The following LAMB4 variants were observed in gnomAD, a reference collection of about 807,000 sequenced individuals.
LAMB4 encodes laminin subunit beta-4.
In LAMB4, 196 loss-of-function variants were observed where a neutral mutation model predicts 199.2. The observed-to-expected ratio is 0.98, with a 90% CI of 0.88 to 1.11. LAMB4 has a LOEUF of 1.11. Among genes scored for constraint, LAMB4 ranks in the 50% least tolerant of loss-of-function variants. The pLI, the probability that LAMB4 is intolerant of heterozygous loss-of-function variation, is 0.00. For synonymous variants in LAMB4, 744 were observed against 770.6 expected (o/e 0.97, Z 0.57); for missense variants, 2,080 against 2,171.2 (o/e 0.96, Z 0.83).
At chr7:108,078,744 AG>A (rs558010213) in intron 15 of LAMB4, among the ~76,000 whole-genome samples, 287 of 152,338 alleles carry the variant, frequency 1.9e-3, no homozygotes, top group Admixed American at 3.3e-3. Flanking sequence ...AGCTTTTTAA[AG>A]GTGTCAGGGC....
At chr7:108,036,885 A>C (rs941951381) in intron 30 of LAMB4, among the ~76,000 whole-genome samples, 1 of 144,700 alleles carries the variant, frequency 6.9e-6, no homozygotes, top group African/African-American at 2.5e-5. Flanking sequence ...GGTTTTTGCC[A>C]TTATTTTCAA....
At chr7:108,015,043 G>A in the LAMB4 span, among the ~76,000 whole-genome samples, 11 of 151,926 alleles carry the variant, frequency 7.2e-5, no homozygotes, top group Non-Finnish European at 1.3e-4. Flanking sequence ...TTTTAAAAAG[G>A]AAAAATTCTC....
chr7:108,040,524 A>G (rs1368141337), intron 29 of LAMB4, among the ~76,000 whole-genome samples: 2 of 152,236 alleles, frequency 1.3e-5, no homozygotes, highest in African/African-American at 4.8e-5. Context: ...ACAGGGCTAC[A>G]GTAACCAAAA....
At chr7:108,117,576 C>A (rs1023763296) in intron 2 of LAMB4, among the ~76,000 whole-genome samples, 19 of 152,102 alleles carry the variant, frequency 1.2e-4, no homozygotes, top group Non-Finnish European at 1.6e-4. Context: ...GGGGTCCCGA[C>A]CCAGACCCCA....
chr7:108,105,816 C>G lies in LAMB4; in HGVS notation c.870+1G>C, dbSNP rs750591014. 4 of 1,613,816 alleles carry G rather than the reference C, an allele frequency of 2.5e-6. No homozygotes were observed. The highest frequency in any genetic ancestry group is 3.4e-6 in the Non-Finnish European group (4 of 1,179,668). ...ACTGTTCTTTTGGATTAATAACTCA[C>G]CATTCCAGGAGGGCTGAAAACATCT... On this transcript the variant is annotated splice_donor_variant, in intron 8 of 33. Transcript: ENST00000388781. LOFTEE classifies it high-confidence loss of function.
chr7:108,049,553 T>G (rs772001851), intron 26 of LAMB4, 22 bp from the exon 27 acceptor site: 9 of 1,414,142 alleles, frequency 6.4e-6, no homozygotes, highest in Non-Finnish European at 7.8e-6. Context: ...CAAATTGAAG[T>G]AAGGTAAATT....
At chr7:108,076,298 A>G (rs1476398379) in intron 17 of LAMB4, among the ~76,000 whole-genome samples, 1 of 152,144 alleles carries the variant, frequency 6.6e-6, no homozygotes, top group African/African-American at 2.4e-5. Context: ...TGCACAGAGT[A>G]AGAAGTTTGG....
At chr7:108,072,064 C>T (rs994198403) in intron 17 of LAMB4, among the ~76,000 whole-genome samples, 2 of 152,024 alleles carry the variant, frequency 1.3e-5, no homozygotes, top group Non-Finnish European at 2.9e-5. Context: ...GTTGTCACAG[C>T]AATAGAGTGA....
intron 30 of LAMB4, among the ~76,000 whole-genome samples, chr7:108,035,127 A>G (rs1270004291): frequency 1.3e-5 from 2 of 152,124 alleles, no homozygotes; most frequent in African/African-American, 4.8e-5. Flanking sequence ...TTCCCTCCTC[A>G]TCATCCCACC....
At position 108,116,012 on chromosome 7, in the gene LAMB4, A is replaced by G; in HGVS notation, c.184T>C (p.Tyr62His). 1 of 1,611,774 alleles carries G rather than the reference A, an allele frequency of 6.2e-7. No individual in the cohort carries two copies. Among genetic ancestry groups the G allele is most frequent in the Non-Finnish European group, 8.5e-7 (1 of 1,178,564 alleles). Reference sequence around the variant, plus strand: ...ACAAAGAGCCAACCCACCTCCAGGTAACTGAGGATGCAGTATTTCTGGGCT... The same window carrying G: ...ACAAAGAGCCAACCCACCTCCAGGTGACTGAGGATGCAGTATTTCTGGGCT... ...SRAQKYCILS[Y>H]LEGEQKCFIC... Residue 62 changes from tyrosine to histidine, a missense_variant, in exon 3 of 34, where the codon TAC becomes CAC. By Grantham distance (83) the Tyr-to-His change is moderately conservative. Transcript: ENST00000388781.
intron 23 of LAMB4, chr7:108,062,432 C>A (rs2286251): frequency 0.22 from 36,488 of 164,662 alleles, 11,086 homozygotes; most frequent in African/African-American, 0.71. Context: ...CATTCTGATT[C>A]ATAATCTCTT....
chr7:108,123,057 T>C, intron 2 of LAMB4, 74 bp downstream of exon 2: 1 of 1,302,936 alleles, frequency 7.7e-7, no homozygotes, highest in Non-Finnish European at 1.1e-6. Flanking sequence ...GAAGTGAATA[T>C]GTTTAAAAAC....
intron 10 of LAMB4, 135 bp from the exon 11 acceptor site, chr7:108,098,717 T>G: frequency 1.5e-6 from 1 of 669,978 alleles, no homozygotes; most frequent in Non-Finnish European, 2.3e-6. Flanking sequence ...TTAGACCACC[T>G]GGCAAGAGCT....
intron 30 of LAMB4, 33 bp from the exon 31 acceptor site, chr7:108,034,379 A>G (rs1000833519): frequency 1.3e-6 from 2 of 1,511,080 alleles, no homozygotes; most frequent in Non-Finnish European, 1.8e-6. Flanking sequence ...CAGATTAGAT[A>G]AATACACAAT....
At chr7:108,127,174 GGTTTTTTTTTTTGT>G (rs767052685) in intron 1 of LAMB4, among the ~76,000 whole-genome samples, 316 of 119,040 alleles carry the variant, frequency 2.7e-3, no homozygotes, top group South Asian at 5.0e-3. Flanking sequence ...AAATCACCAG[GGTTTTTTTTTTTGT>G]GTTTTTTTTT....
chr7:108,107,907 AT>A (rs754475822), intron 5 of LAMB4, 88 bp from the exon 6 acceptor site: 25 of 958,802 alleles, frequency 2.6e-5, no homozygotes, highest in Non-Finnish European at 3.7e-5. Context: ...TTCTAATTCC[AT>A]TTTTAAAAAC....
At chr7:108,023,321 C>T (rs764990634), downstream of LAMB4, among the ~76,000 whole-genome samples, 2 of 152,200 alleles carry the variant, frequency 1.3e-5, no homozygotes, top group Non-Finnish European at 2.9e-5. Context: ...AGTATGAAAT[C>T]AGACTCATTT....
rs888936223 is a variant in LAMB4, at chr7:108,071,649, C to T, written c.2125-1764G>A. Among the ~76,000 whole-genome samples, 65 of 152,334 alleles carry T rather than the reference C, an allele frequency of 4.3e-4. 1 individual carries two copies. Among genetic ancestry groups the T allele is most frequent in the African/African-American group, 1.6e-3 (65 of 41,574 alleles). On this transcript the variant is annotated intron_variant, in intron 17 of 33. Coordinates refer to ENST00000388781, the MANE Select transcript of LAMB4 (RefSeq NM_007356.3). ...GCCTCTTTGCTATCAACACTTTTGC[C>T]TAACGCACATCCCACACACATCAAA...
chr7:108,091,950 T>G (rs1371463255), intron 13 of LAMB4, among the ~76,000 whole-genome samples, 174 bp from the exon 14 acceptor site: 1 of 152,118 alleles, frequency 6.6e-6, no homozygotes, highest in Admixed American at 6.5e-5. Context: ...TGGTCTTGAA[T>G]AGTGAATCCA....
Sources: gnomAD v4.1 joint callset for allele counts (sites outside exome capture counted in the v4.1 genomes callset) on GRCh38, gnomAD v4.1.1 for gene constraint, MANE v1.5 for transcripts, NCBI Gene and HGNC (gene_info 2026-07-23, HGNC 2026-07-21) for gene names.